NRXN1: variants seen among roughly 807,000 people sequenced by gnomAD.
NRXN1 encodes the protein neurexin-1.
NRXN1 carries 39 observed loss-of-function variants against 150.9 expected under a neutral mutation model. The ratio of observed to expected loss-of-function variants is 0.26; its 90% confidence interval spans 0.20 to 0.34. The LOEUF (loss-of-function observed/expected upper bound fraction) is 0.34. Among genes scored for constraint, NRXN1 ranks in the 10% least tolerant of loss-of-function variants. The pLI is 1.00. For synonymous variants in NRXN1, 924 were observed against 757.0 expected, an observed-to-expected ratio of 1.22 and a Z score of -3.62; for missense variants, 1,815 against 1,949.9, an observed-to-expected ratio of 0.93 and a Z score of 1.30.
chr2:50,571,494 T>C (rs1383368467), intron 8 of NRXN1, among the ~76,000 whole-genome samples: 8 of 152,194 alleles, frequency 5.3e-5, no homozygotes, highest in Non-Finnish European at 7.3e-5. Flanking sequence ...ATCTCTGTCC[T>C]TGTTGTTTCT....
Position 50,970,726 on chromosome 2 carries a change from C to T in NRXN1, c.773-44771G>A, listed in dbSNP as rs575710975. 7.2e-5 allele frequency among the ~76,000 whole-genome samples: 11 copies of T among 152,076 alleles called. No homozygotes were observed. In the East Asian group the frequency reaches 1.2e-3, roughly 16 times the overall value. ...ATTTTGAAAAAGTTAAACAGAGGGTCGTTATGTTTAAAATACGTTGTGGGA... is the reference window on the plus strand; with the variant it reads ...ATTTTGAAAAAGTTAAACAGAGGGTTGTTATGTTTAAAATACGTTGTGGGA... On this transcript the variant is annotated intron_variant, in intron 2 of 22. Coordinates refer to ENST00000401669, the MANE Select transcript of NRXN1 (RefSeq NM_001330078.2).
chr2:50,177,002 A>G (rs1438004448), intron 18 of NRXN1, among the ~76,000 whole-genome samples: 2 of 152,188 alleles, frequency 1.3e-5, no homozygotes, highest in Non-Finnish European at 2.9e-5. Flanking sequence ...GAGAAGACAT[A>G]CATTATCATT....
At chr2:50,668,921 C>G (rs553102808) in intron 5 of NRXN1, among the ~76,000 whole-genome samples, 1 of 151,992 alleles carries the variant, frequency 6.6e-6, no homozygotes, top group African/African-American at 2.4e-5. Context: ...TTGTGATATA[C>G]AAAAAGCATA....
intron 2 of NRXN1, among the ~76,000 whole-genome samples, chr2:51,020,020 G>C (rs1669339441): frequency 1.3e-5 from 2 of 150,440 alleles, no homozygotes; most frequent in Non-Finnish European, 1.5e-5. Flanking sequence ...TCAGTGCATT[G>C]GTATTCACTG....
intron 21 of NRXN1, among the ~76,000 whole-genome samples, chr2:49,977,651 A>T (rs1205680374): frequency 1.3e-5 from 2 of 152,204 alleles, no homozygotes; most frequent in Non-Finnish European, 2.9e-5. Context: ...GTGAGGATGA[A>T]GAGATGGGAG....
At chr2:50,188,943 G>T (rs922634332) in intron 18 of NRXN1, among the ~76,000 whole-genome samples, 3 of 152,170 alleles carry the variant, frequency 2.0e-5, no homozygotes, top group African/African-American at 7.2e-5. Context: ...TTCAACCATT[G>T]TGGAAGACAG....
chr2:50,999,663 A>C (rs6545189), intron 2 of NRXN1, among the ~76,000 whole-genome samples: 95,805 of 151,764 alleles, frequency 0.63, 30,636 homozygotes, highest in East Asian at 0.75. Context: ...GTGAATTTCG[A>C]CTGATAGGGA....
intron 2 of NRXN1, among the ~76,000 whole-genome samples, chr2:50,973,526 T>C (rs1301796687): frequency 6.6e-6 from 1 of 152,066 alleles, no homozygotes; most frequent in Non-Finnish European, 1.5e-5. Context: ...GATTCGGGAG[T>C]CATTCTTTAA....
intron 18 of NRXN1, among the ~76,000 whole-genome samples, chr2:50,163,636 C>T (rs1357461482): frequency 6.6e-6 from 1 of 152,136 alleles, no homozygotes; most frequent in African/African-American, 2.4e-5. Flanking sequence ...TTGGTAAGCA[C>T]TCCTCTAAAG....
At chr2:50,332,022 T>A (rs959396286) in intron 17 of NRXN1, among the ~76,000 whole-genome samples, 1 of 152,172 alleles carries the variant, frequency 6.6e-6, no homozygotes, top group African/African-American at 2.4e-5. Flanking sequence ...CTGATACAGT[T>A]TAAATTTTAA....
intron 2 of NRXN1, among the ~76,000 whole-genome samples, chr2:50,982,081 C>T (rs1356829651): frequency 6.6e-6 from 1 of 152,012 alleles, no homozygotes; most frequent in African/African-American, 2.4e-5. Flanking sequence ...ACTCTAATTT[C>T]ACCATGGATG....
intron 5 of NRXN1, chr2:50,917,508 T>G (rs1685383957): frequency 6.6e-6 from 1 of 151,728 alleles, no homozygotes; most frequent in Admixed American, 6.6e-5. Flanking sequence ...ATGTTGTATC[T>G]TTCCAAAATT....
intron 8 of NRXN1, among the ~76,000 whole-genome samples, chr2:50,595,012 A>C (rs184759476): frequency 0.031 from 4,674 of 151,978 alleles, 95 homozygotes; most frequent in Admixed American, 0.063. Context: ...AAAAAAAAAA[A>C]AACAAGCAAA....
chr2:50,933,493 T>G (rs917966134), intron 2 of NRXN1, among the ~76,000 whole-genome samples: 1 of 152,084 alleles, frequency 6.6e-6, no homozygotes, highest in African/African-American at 2.4e-5. Flanking sequence ...CTATACAAAC[T>G]GCAATTCTCT....
intron 9 of NRXN1, among the ~76,000 whole-genome samples, chr2:50,551,074 A>AGAAGAAGAAGAAGAAGAAGAGGAG (rs1553775804): frequency 3.6e-5 from 4 of 110,780 alleles, no homozygotes; most frequent in African/African-American, 1.4e-4. Flanking sequence ...AAGAAGAAGA[A>AGAAGAAGAAGAAGAAGAAGAGGAG]GAGGAGGAGG....
At chr2:50,096,310 C>T (rs570372756) in intron 18 of NRXN1, among the ~76,000 whole-genome samples, 141 of 152,094 alleles carry the variant, frequency 9.3e-4, no homozygotes, top group Non-Finnish European at 1.5e-3. Context: ...TTTATAAGAC[C>T]GGTATTTACT....
intron 2 of NRXN1, among the ~76,000 whole-genome samples, chr2:50,964,322 G>A (rs1031275198): frequency 6.6e-6 from 1 of 151,414 alleles, no homozygotes; most frequent in Non-Finnish European, 1.5e-5. Context: ...TATGTGTCAG[G>A]TGACCACTAA....
intron 5 of NRXN1, among the ~76,000 whole-genome samples, chr2:50,727,341 A>G (rs987600486): frequency 6.6e-6 from 1 of 152,216 alleles, no homozygotes; most frequent in African/African-American, 2.4e-5. Context: ...TGTTAACACT[A>G]AAGTATCAAT....
intron 18 of NRXN1, among the ~76,000 whole-genome samples, chr2:50,117,453 G>A (rs1386023322): frequency 6.6e-6 from 1 of 152,140 alleles, no homozygotes; most frequent in South Asian, 2.1e-4. Flanking sequence ...TAAACTGTGA[G>A]TAAGCAATAT....
Sources: gnomAD v4.1 joint callset for allele counts (sites outside exome capture counted in the v4.1 genomes callset) on GRCh38, gnomAD v4.1.1 for gene constraint, MANE v1.5 for transcripts, NCBI Gene and HGNC (gene_info 2026-07-23, HGNC 2026-07-21) for gene names.